PRKG1: variants seen among roughly 807,000 people sequenced by gnomAD.
The protein encoded by PRKG1 is cGMP-dependent protein kinase 1.
Under a neutral mutation model 88.1 loss-of-function variants are expected in PRKG1, and 35 were observed. The ratio of observed to expected loss-of-function variants is 0.40; its 90% CI spans 0.30 to 0.53. The LOEUF is 0.53. PRKG1 is among the 20% of genes least tolerant of loss of function. The pLI, the probability that PRKG1 is intolerant of heterozygous loss-of-function variation, is 0.59. For missense variants in PRKG1, 540 were observed against 839.8 expected, an observed-to-expected ratio of 0.64 and a Z score of 4.41; for synonymous variants, 303 against 292.5, an observed-to-expected ratio of 1.04 and a Z score of -0.37.
At chr10:51,017,541 A>C (rs1426367457) in intron 1 of PRKG1, among the ~76,000 whole-genome samples, 1 of 152,192 alleles carries the variant, frequency 6.6e-6, no homozygotes, top group Non-Finnish European at 1.5e-5. Flanking sequence ...CACTAGGTAC[A>C]AAATGTTATA....
At chr10:51,550,304 A>G (rs768557697) in intron 3 of PRKG1, among the ~76,000 whole-genome samples, 1 of 152,100 alleles carries the variant, frequency 6.6e-6, no homozygotes, top group Non-Finnish European at 1.5e-5. Flanking sequence ...AAATCATCTT[A>G]TTAAGGAAGT....
intron 5 of PRKG1, chr10:51,909,341 C>A (rs909215130): frequency 6.6e-6 from 1 of 151,868 alleles, no homozygotes. Flanking sequence ...TCTGTGGGAC[C>A]AAATGCGGAT....
At chr10:51,116,856 A>C (rs1845134266) in intron 1 of PRKG1, among the ~76,000 whole-genome samples, 1 of 152,178 alleles carries the variant, frequency 6.6e-6, no homozygotes, top group African/African-American at 2.4e-5. Flanking sequence ...TATCAGAGGA[A>C]GATTGTTCCA....
intron 3 of PRKG1, among the ~76,000 whole-genome samples, chr10:51,508,548 CTT>C (rs199811117): frequency 2.7e-5 from 4 of 150,922 alleles, no homozygotes; most frequent in Non-Finnish European, 4.5e-5. Context: ...GTGAGAATGA[CTT>C]TTTTTAAAAA....
chr10:52,234,106 G>A (rs1170632569), intron 9 of PRKG1, among the ~76,000 whole-genome samples: 2 of 152,054 alleles, frequency 1.3e-5, no homozygotes, highest in African/African-American at 4.8e-5. Context: ...TGAGGGTCCT[G>A]TCTGTTAGAA....
chr10:51,527,645 G>A (rs75136852), intron 3 of PRKG1, among the ~76,000 whole-genome samples: 5 of 152,144 alleles, frequency 3.3e-5, no homozygotes, highest in Non-Finnish European at 5.9e-5. Context: ...TGTTCTAGAC[G>A]TTATAGAGCG....
chr10:51,603,415 A>C (rs1363420760), intron 3 of PRKG1, among the ~76,000 whole-genome samples: 1 of 152,236 alleles, frequency 6.6e-6, no homozygotes, highest in East Asian at 1.9e-4. Flanking sequence ...ACACGAAGTC[A>C]AATTGAAGAA....
At chr10:51,926,361 CTGTAGATATT>C (rs1453730831) in intron 5 of PRKG1, among the ~76,000 whole-genome samples, 2 of 152,144 alleles carry the variant, frequency 1.3e-5, no homozygotes, top group African/African-American at 4.8e-5. Context: ...ATAATAGCCT[CTGTAGATATT>C]TGACCCGTAG....
chr10:51,215,886 C>G (rs935177699), intron 2 of PRKG1, among the ~76,000 whole-genome samples: 3 of 152,162 alleles, frequency 2.0e-5, no homozygotes, highest in Non-Finnish European at 4.4e-5. Context: ...ATACAGAGCC[C>G]TGAAAAGCAC....
chr10:52,157,317 A>ATATATATATATATATATATATG (rs1838143977), intron 8 of PRKG1, among the ~76,000 whole-genome samples: 4 of 43,592 alleles, frequency 9.2e-5, no homozygotes, highest in African/African-American at 4.6e-4. Flanking sequence ...ATATATATAT[A>ATATATATATATATATATATATG]TATATATATA....
intron 2 of PRKG1, among the ~76,000 whole-genome samples, chr10:51,280,489 C>T (rs1014248311): frequency 2.6e-5 from 4 of 152,182 alleles, no homozygotes; most frequent in South Asian, 4.1e-4. Context: ...CCATTCTGCC[C>T]GTCACTTTCA....
At chr10:51,342,812 A>G (rs1489309131) in intron 2 of PRKG1, among the ~76,000 whole-genome samples, 1 of 152,240 alleles carries the variant, frequency 6.6e-6, no homozygotes, top group Non-Finnish European at 1.5e-5. Flanking sequence ...GTAAGACAGC[A>G]ATATGAAGAA....
At chr10:51,313,968 A>G (rs1171729199) in intron 2 of PRKG1, among the ~76,000 whole-genome samples, 1 of 152,146 alleles carries the variant, frequency 6.6e-6, no homozygotes, top group Non-Finnish European at 1.5e-5. Context: ...GAACTCCAGG[A>G]TGAGAGCTGC....
At chr10:51,127,602 C>T (rs9415729) in intron 1 of PRKG1, among the ~76,000 whole-genome samples, 120,852 of 152,092 alleles carry the variant, frequency 0.79, 48,617 homozygotes, top group South Asian at 0.88. Flanking sequence ...GCAATCTCAT[C>T]ACTGGGTATA....
chr10:51,608,608 A>G (rs1476735114), intron 3 of PRKG1, among the ~76,000 whole-genome samples: 1 of 152,216 alleles, frequency 6.6e-6, no homozygotes, highest in East Asian at 1.9e-4. Flanking sequence ...AATCCTATCT[A>G]TAGGAACAGT....
chr10:51,021,873 G>A (rs1206405832), intron 1 of PRKG1, among the ~76,000 whole-genome samples: 1 of 151,858 alleles, frequency 6.6e-6, no homozygotes, highest in African/African-American at 2.4e-5. Context: ...TAGAGATGGG[G>A]TTTCACCATG....
At chr10:51,591,199 A>C (rs1043427892) in intron 3 of PRKG1, among the ~76,000 whole-genome samples, 3 of 152,156 alleles carry the variant, frequency 2.0e-5, no homozygotes, top group Admixed American at 6.5e-5. Context: ...ATGCATACAC[A>C]TGTGTATGAA....
chr10:51,732,112 T>G (rs188304278), intron 3 of PRKG1, among the ~76,000 whole-genome samples: 2 of 150,644 alleles, frequency 1.3e-5, no homozygotes, highest in Non-Finnish European at 2.9e-5. Flanking sequence ...CAGGCTGGAG[T>G]GCAGTGACAC....
intron 3 of PRKG1, among the ~76,000 whole-genome samples, chr10:51,564,362 G>A (rs985922290): frequency 2.6e-5 from 4 of 152,026 alleles, no homozygotes; most frequent in African/African-American, 9.7e-5. Flanking sequence ...GAAATAAAAA[G>A]GCCTAGAGTT....
Sources: allele counts gnomAD v4.1 joint callset (sites outside exome capture counted in the v4.1 genomes callset), GRCh38; gene constraint gnomAD v4.1.1; transcripts MANE v1.5; gene names NCBI Gene and HGNC (gene_info 2026-07-23, HGNC 2026-07-21).